Variants in KCND3 observed in about 807,000 individuals in gnomAD.
KCND3 encodes A-type voltage-gated potassium channel KCND3.
Under a neutral mutation model 51.1 loss-of-function variants are expected in KCND3, and 9 were observed. The ratio of observed to expected loss-of-function variants is 0.18; its 90% confidence interval spans 0.11 to 0.31. KCND3 has a LOEUF of 0.31. Ranked by LOEUF, KCND3 falls within the 10% of genes least tolerant of loss-of-function variation. The pLI is 1.00. For missense variants in KCND3, 526 were observed against 903.8 expected (o/e 0.58, Z 5.36); for synonymous variants, 349 against 368.0 (o/e 0.95, Z 0.59).
chr1:111,818,884 C>G (rs1291241434), intron 2 of KCND3, among the ~76,000 whole-genome samples: 1 of 152,220 alleles, frequency 6.6e-6, no homozygotes, highest in African/African-American at 2.4e-5. Context: ...AAACATTACA[C>G]TTTTGTCCCG....
intron 2 of KCND3, among the ~76,000 whole-genome samples, chr1:111,970,787 G>A (rs894845): frequency 1 from 152,046 of 152,346 alleles, 75,873 homozygotes; most frequent in Non-Finnish European, 1. Context: ...CATCCACCTC[G>A]AGGGATTTAG....
chr1:111,820,700 G>A (rs892523561), intron 2 of KCND3, among the ~76,000 whole-genome samples: 1 of 152,168 alleles, frequency 6.6e-6, no homozygotes, highest in Admixed American at 6.5e-5. Flanking sequence ...AGCTAAGAAG[G>A]TGACCTCATT....
Position 111,981,857 on chromosome 1 carries a change from C to A in KCND3, c.870G>T (p.Arg290=), listed in dbSNP as rs200894990. ...EDVSGAFVTL[R]VFRVFRIFKF... is the part of the protein sequence containing the mutation. ...TGAAGATCCTGAAGACGCGGAAGAC[C>A]CGGAGCGTGACGAAGGCGCCGGACA... The change falls in exon 2 of 8, where the codon CGG becomes CGT. Residue 290 remains arginine, a synonymous_variant. Coordinates refer to ENST00000302127, the MANE Select transcript of KCND3 (RefSeq NM_001378969.1). This position sits in a 1 kb window ranked among gnomAD's most constrained non-coding sequence, Gnocchi z 6.2. The A allele has an allele frequency of 8.7e-5, 141 of 1,614,022 alleles. 1 individual carries two copies. In the East Asian group the frequency reaches 3.1e-3, roughly 35 times the overall value.
At chr1:111,883,763 G>A (rs781616912) in intron 2 of KCND3, among the ~76,000 whole-genome samples, 2 of 152,152 alleles carry the variant, frequency 1.3e-5, no homozygotes, top group South Asian at 4.2e-4. Flanking sequence ...CCTTTATTCA[G>A]TGCTTATCAG....
At chr1:111,902,432 A>C (rs1483281049) in intron 2 of KCND3, among the ~76,000 whole-genome samples, 1 of 152,198 alleles carries the variant, frequency 6.6e-6, no homozygotes, top group Non-Finnish European at 1.5e-5. Flanking sequence ...AGTGTGGCTA[A>C]GAGAGGCCCC....
chr1:111,802,703 C>G (rs748760015), intron 2 of KCND3, among the ~76,000 whole-genome samples: 1 of 152,200 alleles, frequency 6.6e-6, no homozygotes, highest in African/African-American at 2.4e-5. Context: ...TCACATTGAG[C>G]CTGTAGCAGG....
chr1:111,874,368 C>A (rs540990333), intron 2 of KCND3, among the ~76,000 whole-genome samples: 1 of 152,310 alleles, frequency 6.6e-6, no homozygotes, highest in South Asian at 2.1e-4. Flanking sequence ...AAAATAGACA[C>A]CTTGGGACTG....
intron 1 of KCND3, among the ~76,000 whole-genome samples, chr1:111,986,134 T>C (rs1410411989): frequency 1.3e-5 from 2 of 152,256 alleles, no homozygotes; most frequent in African/African-American, 4.8e-5. Flanking sequence ...GGGCAAGGGA[T>C]GTTTGAGAAG....
At chr1:111,825,126 T>C (rs140177777) in intron 2 of KCND3, among the ~76,000 whole-genome samples, 22 of 152,352 alleles carry the variant, frequency 1.4e-4, no homozygotes, top group African/African-American at 5.3e-4. Flanking sequence ...AATAATTCCA[T>C]GTCCATACAC....
chr1:111,936,274 G>A (rs1265751293), intron 2 of KCND3, among the ~76,000 whole-genome samples: 1 of 152,172 alleles, frequency 6.6e-6, no homozygotes, highest in Non-Finnish European at 1.5e-5. Context: ...CCAAGTCCCT[G>A]CAACGTGCCA....
At chr1:111,967,357 G>C (rs911878889) in intron 2 of KCND3, among the ~76,000 whole-genome samples, 3 of 152,042 alleles carry the variant, frequency 2.0e-5, no homozygotes, top group Non-Finnish European at 4.4e-5. Context: ...AAAGCCTCTT[G>C]GTCCCAGGGT....
At chr1:111,819,638 G>A (rs1440198030) in intron 2 of KCND3, among the ~76,000 whole-genome samples, 3 of 152,132 alleles carry the variant, frequency 2.0e-5, no homozygotes, top group Non-Finnish European at 4.4e-5. Context: ...GCAGGGGTTG[G>A]GACAGAGGTT....
intron 2 of KCND3, among the ~76,000 whole-genome samples, chr1:111,834,996 C>G (rs1395754770): frequency 6.6e-6 from 1 of 152,212 alleles, no homozygotes; most frequent in East Asian, 1.9e-4. Context: ...CAGGAGGCAA[C>G]CTGGATCCCT....
chr1:111,943,885 A>T (rs1672652442), intron 2 of KCND3, among the ~76,000 whole-genome samples: 1 of 152,132 alleles, frequency 6.6e-6, no homozygotes, highest in African/African-American at 2.4e-5. Flanking sequence ...AAATCCAGAA[A>T]CTGCTTCAAG....
chr1:111,974,270 T>C (rs1329952888), intron 2 of KCND3, among the ~76,000 whole-genome samples: 1 of 152,154 alleles, frequency 6.6e-6, no homozygotes, highest in Non-Finnish European at 1.5e-5. Flanking sequence ...CCAAAAGCAT[T>C]GTGGGAACTC....
chr1:111,776,981 G>T, intron 7 of KCND3, 45 bp downstream of exon 7: 1 of 1,611,802 alleles, frequency 6.2e-7, no homozygotes, highest in Non-Finnish European at 8.5e-7. Flanking sequence ...TTCTGTGAAT[G>T]GGATGATTCG....
intron 2 of KCND3, among the ~76,000 whole-genome samples, chr1:111,965,520 C>G (rs1406957547): frequency 1.4e-5 from 2 of 146,466 alleles, no homozygotes. Flanking sequence ...TTCTGAGTCT[C>G]TCCTCCAACT....
rs533982998 is a variant in KCND3 at position 111,834,572 on chromosome 1, C to T, written c.1107-47466G>A. Among the ~76,000 whole-genome samples, 24 of 152,292 alleles carry T rather than the reference C, an allele frequency of 1.6e-4. No individual in the cohort carries two copies. In the South Asian group the frequency reaches 5.0e-3, roughly 32 times the overall value. ...TCAATCTTTCATTCAAAGTGGAACT[C>T]CTCAACACCAGTCTTGACAAGAGGT... On this transcript the variant is annotated intron_variant, in intron 2 of 7. Transcript: ENST00000302127.
At chr1:111,848,104 A>G (rs896099770) in intron 2 of KCND3, among the ~76,000 whole-genome samples, 4 of 152,228 alleles carry the variant, frequency 2.6e-5, no homozygotes, top group Non-Finnish European at 5.9e-5. Context: ...GAGGGAGCTG[A>G]CAGACTGGAG....
Sources: allele counts gnomAD v4.1 joint callset (sites outside exome capture counted in the v4.1 genomes callset), GRCh38; gene constraint gnomAD v4.1.1; non-coding constraint Gnocchi (gnomAD v3.1); transcripts MANE v1.5; gene names NCBI Gene and HGNC (gene_info 2026-07-23, HGNC 2026-07-21).